Variants in USP14 observed in about 807,000 individuals in gnomAD.
USP14 encodes ubiquitin carboxyl-terminal hydrolase 14.
USP14 carries 38 observed loss-of-function variants against 76.5 expected under a neutral mutation model. The observed-to-expected ratio is 0.50, with a 90% confidence interval of 0.38 to 0.65. The LOEUF (loss-of-function observed/expected upper bound fraction) is 0.65, where lower values mean the gene tolerates loss of function less well. USP14 is among the 30% of genes least tolerant of loss of function. USP14 has a pLI of 0.00. For missense variants in USP14, 467 were observed against 586.5 expected (o/e 0.80, Z 2.10); for synonymous variants, 192 against 191.7 (o/e 1.00, Z -0.01).
chr18:170,800 C>T (rs935638709), intron 3 of USP14, among the ~76,000 whole-genome samples: 6 of 151,552 alleles, frequency 4.0e-5, no homozygotes, highest in African/African-American at 4.8e-5. Flanking sequence ...AAGTGGGAGC[C>T]GAGCAATGAG....
At chr18:178,825 CA>C (rs991779216) in intron 3 of USP14, 107 bp from the exon 4 acceptor site, 5 of 751,750 alleles carry the variant, frequency 6.7e-6, no homozygotes, top group African/African-American at 1.8e-5. Context: ...CTTTTTTTGG[CA>C]AATAGAATTA....
chr18:159,544 G>A (rs1909058256), intron 1 of USP14, among the ~76,000 whole-genome samples: 1 of 152,152 alleles, frequency 6.6e-6, no homozygotes, highest in Admixed American at 6.6e-5. Context: ...GACCATCCCT[G>A]TTTATTCTGT....
chr18:214,590 C>T lies in USP14; in HGVS notation c.*3306C>T, dbSNP rs749567261. The T allele has an allele frequency of 2.6e-6, 4 of 1,542,966 alleles. No individual in the cohort carries two copies. In the African/African-American group the frequency reaches 4.2e-5, roughly 16 times the overall value. Reference sequence around the variant, plus strand: ...ATCAAATGCTGCTTGGTAACAAAATCTATCACAGTTTTAATAAAAAGAAAA... The same window carrying T: ...ATCAAATGCTGCTTGGTAACAAAATTTATCACAGTTTTAATAAAAAGAAAA... On this transcript the variant is annotated 3_prime_UTR_variant, in exon 16 of 16. Transcript: ENST00000261601.
At chr18:179,325 A>G (rs1303143944) in intron 4 of USP14, among the ~76,000 whole-genome samples, 1 of 152,076 alleles carries the variant, frequency 6.6e-6, no homozygotes, top group Non-Finnish European at 1.5e-5. Context: ...TATTTAGCTA[A>G]TATCTGTAAT....
At chr18:195,761 C>T (rs577618914) in intron 6 of USP14, among the ~76,000 whole-genome samples, 68 of 152,214 alleles carry the variant, frequency 4.5e-4, no homozygotes, top group African/African-American at 1.5e-3. Flanking sequence ...AGAGGTGACC[C>T]GCTATCCTGA....
chr18:210,277 T>C (rs1910635009), intron 14 of USP14, 109 bp from the exon 15 acceptor site: 1 of 838,172 alleles, frequency 1.2e-6, no homozygotes. Flanking sequence ...CTTATTGGAT[T>C]CTGATAATAC....
chr18:171,023 A>ATATATATAT (rs1555762329), intron 3 of USP14, among the ~76,000 whole-genome samples: 28 of 46,798 alleles, frequency 6.0e-4, no homozygotes, highest in Admixed American at 8.6e-4. Flanking sequence ...AAAAAAAAAA[A>ATATATATAT]AAATATATAT....
At chr18:171,025 A>AAAAAAAAAATATAT (rs1327304974) in intron 3 of USP14, among the ~76,000 whole-genome samples, 6 of 47,650 alleles carry the variant, frequency 1.3e-4, no homozygotes, top group African/African-American at 5.2e-4. Context: ...AAAAAAAAAA[A>AAAAAAAAAATATAT]ATATATATAT....
chr18:173,222 C>G (rs998827388), intron 3 of USP14, among the ~76,000 whole-genome samples: 3 of 151,844 alleles, frequency 2.0e-5, no homozygotes, highest in Non-Finnish European at 4.4e-5. Context: ...ATTCTCCTGC[C>G]TCAGCCTCCC....
At chr18:205,296 T>C (rs1411176965) in intron 13 of USP14, among the ~76,000 whole-genome samples, 2 of 152,226 alleles carry the variant, frequency 1.3e-5, no homozygotes, top group African/African-American at 4.8e-5. Context: ...CCTTTTATAC[T>C]TATCTCCTCA....
chr18:191,073 G>T (rs1910071921), intron 5 of USP14, among the ~76,000 whole-genome samples: 2 of 152,078 alleles, frequency 1.3e-5, no homozygotes, highest in South Asian at 4.1e-4. Context: ...TAACAGCAGC[G>T]ATTATATAGC....
rs1356229310 is a variant in USP14 at position 211,791 on chromosome 18, C to T, written c.*507C>T. 1.3e-5 allele frequency: 2 copies of T among 152,708 alleles called. No individual in the cohort carries two copies. Among genetic ancestry groups the T allele is most frequent in the African/African-American group, 4.8e-5 (2 of 41,446 alleles). 9.5% of individuals were successfully genotyped at this position (152,708 alleles called of 1,614,324 possible). A position where few individuals can be genotyped will look rare whatever the true frequency, so the allele number is the denominator to read the frequency against. ...TGTGTGACTCAGTGCTGCTGTCCAT[C>T]CCATGGAAACATGGGCACAATCAAG... On this transcript the variant is annotated 3_prime_UTR_variant, in exon 16 of 16. Coordinates refer to ENST00000261601, the MANE Select transcript of USP14 (RefSeq NM_005151.4).
rs186873536 is a variant in USP14 at position 189,940 on chromosome 18, C to T, written c.405-2902C>T. On this transcript the variant is annotated intron_variant, in intron 5 of 15. Transcript: ENST00000261601. ...CCCTCACAGATCTTAATCACTAACACCGTTTATGTTTCCCAAATTGGAAAT... is the reference window on the plus strand; with the variant it reads ...CCCTCACAGATCTTAATCACTAACATCGTTTATGTTTCCCAAATTGGAAAT... Among the ~76,000 whole-genome samples the T allele has an allele frequency of 9.8e-4, 150 of 152,296 alleles. 2 individuals carry two copies. Among genetic ancestry groups the T allele is most frequent in the Non-Finnish European group, 5.0e-4 (34 of 68,038 alleles).
rs778710356 is a variant in USP14 at position 210,021 on chromosome 18, T to A, written c.1215T>A (p.Ser405=). 1 of 1,605,052 alleles carries A rather than the reference T, an allele frequency of 6.2e-7. No individual in the cohort carries two copies. Among genetic ancestry groups the A allele is most frequent in the Admixed American group, 1.7e-5 (1 of 58,222 alleles). ...AAGAAGTTAAGTATGAACCCTTTTC[T>A]TTTGCTGATGGTAAGTAACATTCTC... ...PQKEVKYEPF[S]FADDIGSNNC... Residue 405 remains serine (S), a synonymous_variant, in exon 14 of 16, where the codon TCT becomes TCA. Transcript: ENST00000261601.
chr18:160,466 T>G (rs573511394), intron 1 of USP14, among the ~76,000 whole-genome samples: 1 of 152,272 alleles, frequency 6.6e-6, no homozygotes, highest in East Asian at 1.9e-4. Context: ...GAGGGTGCTG[T>G]GATCTGTGAT....
intron 5 of USP14, among the ~76,000 whole-genome samples, chr18:190,080 A>T (rs557518464): frequency 3.3e-4 from 50 of 152,164 alleles, no homozygotes; most frequent in Non-Finnish European, 5.9e-4. Context: ...GGTCTGGCTC[A>T]TGATGTTTAG....
chr18:210,519 T>A (rs776624526), intron 15 of USP14, 26 bp downstream of exon 15: 1 of 1,476,534 alleles, frequency 6.8e-7, no homozygotes, highest in Non-Finnish European at 9.3e-7. Flanking sequence ...TTTTCAACTG[T>A]TCAATATTAT....
chr18:173,458 C>G (rs965338424), intron 3 of USP14, among the ~76,000 whole-genome samples: 1 of 151,332 alleles, frequency 6.6e-6, no homozygotes, highest in South Asian at 2.1e-4. Flanking sequence ...GTTGCCCAGG[C>G]TGGAGTGCAA....
At chr18:199,381 A>G (rs1910325991) in intron 10 of USP14, 65 bp downstream of exon 10, 9 of 1,149,186 alleles carry the variant, frequency 7.8e-6, no homozygotes, top group Non-Finnish European at 1.2e-5. Context: ...AGCCAAAGTC[A>G]TTATTCACTG....
Sources: allele counts gnomAD v4.1 joint callset (sites outside exome capture counted in the v4.1 genomes callset), GRCh38; gene constraint gnomAD v4.1.1; transcripts MANE v1.5; gene names NCBI Gene and HGNC (gene_info 2026-07-23, HGNC 2026-07-21).